The following CCR5AS variants were observed in gnomAD, a reference collection of about 807,000 sequenced individuals.
CCR5AS encodes CCR5 antisense RNA.
chr3:46,388,166 A>C (rs1057172142), intron 2 of CCR5AS, among the ~76,000 whole-genome samples: 2 of 152,162 alleles, frequency 1.3e-5, no homozygotes, highest in African/African-American at 2.4e-5. Context: ...AAAACAAAAT[A>C]GTGATGAAAT....
intron 2 of CCR5AS, among the ~76,000 whole-genome samples, chr3:46,386,944 T>A (rs1384320015): frequency 1.3e-5 from 2 of 152,174 alleles, no homozygotes; most frequent in Non-Finnish European, 2.9e-5. Flanking sequence ...TTGTAATTGT[T>A]AAAACTGAGT....
At chr3:46,381,201 C>T (rs1327399739) in intron 2 of CCR5AS, among the ~76,000 whole-genome samples, 3 of 152,116 alleles carry the variant, frequency 2.0e-5, no homozygotes, top group Non-Finnish European at 4.4e-5. Flanking sequence ...GAAGAAGTCT[C>T]TTGTATAGAA....
At chr3:46,379,716 G>A (rs941309764) in intron 2 of CCR5AS, among the ~76,000 whole-genome samples, 13 of 151,904 alleles carry the variant, frequency 8.6e-5, no homozygotes, top group Non-Finnish European at 1.9e-4. Flanking sequence ...CCAATATAGT[G>A]AAACCCCTGC....
At chr3:46,404,643 C>A (rs987892913) in intron 1 of CCR5AS, among the ~76,000 whole-genome samples, 2 of 152,114 alleles carry the variant, frequency 1.3e-5, no homozygotes, top group African/African-American at 2.4e-5. Context: ...CAGCTCTCAG[C>A]AAGGCTTTTT....
chr3:46,381,469 C>G (rs764001137), intron 2 of CCR5AS, among the ~76,000 whole-genome samples: 1 of 152,204 alleles, frequency 6.6e-6, no homozygotes, highest in African/African-American at 2.4e-5. Context: ...TACACACACA[C>G]AAACACCTCC....
chr3:46,373,650 C>G, intron 2 of CCR5AS: 3 of 1,614,116 alleles, frequency 1.9e-6, no homozygotes, highest in Non-Finnish European at 2.5e-6. Context: ...CTTCTGGGCT[C>G]CCTACAACAT....
At chr3:46,375,289 C>G (rs954775527) in intron 2 of CCR5AS, 3 of 167,028 alleles carry the variant, frequency 1.8e-5, no homozygotes, top group Non-Finnish European at 4.4e-5. Context: ...GAACATACTT[C>G]AGCTCACACA....
At chr3:46,378,658 C>T (rs1243882330) in intron 2 of CCR5AS, among the ~76,000 whole-genome samples, 3 of 152,176 alleles carry the variant, frequency 2.0e-5, no homozygotes, top group Non-Finnish European at 4.4e-5. Flanking sequence ...TTGTCTCTGC[C>T]GGCACCATCC....
downstream of CCR5AS, among the ~76,000 whole-genome samples, chr3:46,364,002 T>G (rs1484703393): frequency 6.6e-6 from 1 of 152,220 alleles, no homozygotes; most frequent in Non-Finnish European, 1.5e-5. Context: ...TGAGGTTTAA[T>G]GAAAGACAAC....
rs571742569 is a variant in CCR5AS, at chr3:46,385,111, C to T, written n.391+7714G>A. Reference sequence around the variant, plus strand: ...TGGTGAAGGGGAACAAGGAGTCTCCCCAGCACAGTACCCGAGTGCATTAGC... The same window carrying T: ...TGGTGAAGGGGAACAAGGAGTCTCCTCAGCACAGTACCCGAGTGCATTAGC... On this transcript the variant is annotated intron_variant and non_coding_transcript_variant, in intron 2 of 3. Coordinates refer to ENST00000451485, the Ensembl canonical transcript of CCR5AS. 5.9e-5 allele frequency among the ~76,000 whole-genome samples: 9 copies of T among 152,298 alleles called. No homozygotes were observed. The East Asian group carries it at 1.7e-3, about 29-fold the overall frequency.
intron 1 of CCR5AS, among the ~76,000 whole-genome samples, chr3:46,400,376 C>T (rs1033138773): frequency 2.0e-5 from 3 of 152,138 alleles, no homozygotes; most frequent in Non-Finnish European, 4.4e-5. Context: ...CAAGAGAGGT[C>T]AGGGTGTTGA....
intron 2 of CCR5AS, chr3:46,373,820 C>T (rs1251091638): frequency 2.5e-6 from 4 of 1,613,942 alleles, no homozygotes; most frequent in Non-Finnish European, 3.4e-6. Flanking sequence ...AGTTCAGAAA[C>T]TACCTCTTAG....
At chr3:46,379,790 G>A (rs950187636) in intron 2 of CCR5AS, among the ~76,000 whole-genome samples, 6 of 151,954 alleles carry the variant, frequency 3.9e-5, no homozygotes, top group East Asian at 3.9e-4. Context: ...CCAGCTACTC[G>A]GGAGGCTGAG....
chr3:46,377,820 C>T (rs1701777604), intron 2 of CCR5AS, among the ~76,000 whole-genome samples: 2 of 152,118 alleles, frequency 1.3e-5, no homozygotes, highest in African/African-American at 4.8e-5. Flanking sequence ...ATTCTCCTGC[C>T]TCAGCCTCCT....
At chr3:46,401,362 G>A (rs958368201) in intron 1 of CCR5AS, among the ~76,000 whole-genome samples, 2 of 152,218 alleles carry the variant, frequency 1.3e-5, no homozygotes, top group African/African-American at 2.4e-5. Flanking sequence ...AATCTTTCAA[G>A]ATACAGAACC....
chr3:46,391,422 T>A (rs1369663466), intron 2 of CCR5AS, among the ~76,000 whole-genome samples: 1 of 152,098 alleles, frequency 6.6e-6, no homozygotes, highest in Non-Finnish European at 1.5e-5. Flanking sequence ...GGAATCTAAT[T>A]TTTGGAGCTT....
At chr3:46,366,566 C>G (rs912857344) in intron 3 of CCR5AS, among the ~76,000 whole-genome samples, 1 of 152,192 alleles carries the variant, frequency 6.6e-6, no homozygotes, top group Non-Finnish European at 1.5e-5. Flanking sequence ...CTGCACATGT[C>G]CACTTGGTTT....
At chr3:46,376,442 A>G (rs1701758747) in intron 2 of CCR5AS, among the ~76,000 whole-genome samples, 1 of 152,212 alleles carries the variant, frequency 6.6e-6, no homozygotes, top group Non-Finnish European at 1.5e-5. Flanking sequence ...TACCTCTAAG[A>G]GTAAGGTTGC....
At position 46,365,599 on chromosome 3, in the gene CCR5AS, C is replaced by T. The variant is rs566345233; in HGVS notation, n.566-554G>A. ...GGTGTGCCTGAACCTCTTTAGCTAA[C>T]TGGCCACTGCCACAGTCCACTCTGT... On this transcript the variant is annotated intron_variant and non_coding_transcript_variant, in intron 3 of 3. Coordinates refer to ENST00000451485, the Ensembl canonical transcript of CCR5AS. Among the ~76,000 whole-genome samples the T allele has an allele frequency of 4.0e-4, 61 of 152,312 alleles. 1 individual carries two copies. The South Asian group carries it at 6.0e-3, about 15-fold the overall frequency.
Sources: gnomAD v4.1 joint callset for allele counts (sites outside exome capture counted in the v4.1 genomes callset) on GRCh38, gnomAD v4.1.1 for gene constraint, MANE v1.5 for transcripts, NCBI Gene and HGNC (gene_info 2026-07-23, HGNC 2026-07-21) for gene names.